Variants in CSMD1 observed in about 807,000 individuals in gnomAD.
CSMD1 encodes CUB and sushi domain-containing protein 1.
CSMD1 carries 213 observed loss-of-function variants against 417.5 expected under a neutral mutation model. That is an observed-to-expected ratio of 0.51 (90% CI 0.46 to 0.57). The LOEUF is 0.57. CSMD1 is among the 20% of genes least tolerant of loss of function. The probability of loss-of-function intolerance (pLI) is 0.00; values close to 1 mark genes in which losing one functional copy is unlikely to be tolerated. For missense variants in CSMD1, 6,923 were observed against 4,529.7 expected (o/e 1.53, Z -15.17); for synonymous variants, 2,862 against 1,736.8 (o/e 1.65, Z -16.11).
At chr8:3,369,481 T>G (rs976037030) in intron 18 of CSMD1, 111 bp from the exon 19 acceptor site, 3 of 619,554 alleles carry the variant, frequency 4.8e-6, no homozygotes, top group Non-Finnish European at 5.8e-6. Context: ...AAATTTAATG[T>G]CATATCCAAG....
At position 3,609,721 on chromosome 8, in the gene CSMD1, T is replaced by C. The variant is rs976085256; in HGVS notation, c.1097+6989A>G. ...GTTTGGATTACATGTTAGTCATTAG[T>C]TTTGATTATAAGAATTTAAAAAAAA... On this transcript the variant is annotated intron_variant, in intron 8 of 69. Transcript: ENST00000635120. Among the ~76,000 whole-genome samples, 7 of 117,812 alleles carry C rather than the reference T, an allele frequency of 5.9e-5. No homozygotes were observed. In the Admixed American group the frequency reaches 6.2e-4, roughly 10 times the overall value. 77.3% of individuals were successfully genotyped at this position (117,812 alleles called of 152,430 possible).
At chr8:3,435,565 G>T (rs757996066) in intron 12 of CSMD1, among the ~76,000 whole-genome samples, 3 of 152,030 alleles carry the variant, frequency 2.0e-5, no homozygotes, top group East Asian at 1.9e-4. Context: ...CTTCGAATCA[G>T]CACATCTCGT....
intron 11 of CSMD1, among the ~76,000 whole-genome samples, chr8:3,479,161 G>C (rs1445146947): frequency 6.6e-6 from 1 of 152,104 alleles, no homozygotes; most frequent in Non-Finnish European, 1.5e-5. Context: ...ATTATCATTG[G>C]AACCTCCTCC....
At position 3,238,489 on chromosome 8, in the gene CSMD1, G is replaced by A. The variant is rs545894735; in HGVS notation, c.4154-8258C>T. On this transcript the variant is annotated intron_variant, in intron 26 of 69. Transcript: ENST00000635120. ...CGGCAAAAATTTTTGGGGGTGGTAT[G>A]GAGACATAATGGGCGATGTTTCTCA... is the stretch of plus-strand genomic sequence containing the variant. Among the ~76,000 whole-genome samples the A allele has an allele frequency of 2.6e-5, 4 of 152,198 alleles. No individual in the cohort carries two copies. In the East Asian group the frequency reaches 5.8e-4, roughly 22 times the overall value.
chr8:2,998,024 C>T lies in CSMD1; in HGVS notation c.8364G>A (p.Leu2788=), dbSNP rs1585117655. ...TGCTGTTCCTACCTCGACACGTGGG[C>T]AGAGGGCTACTCCACTGGCCGTTGC... ...CRSNGQWSSP[L]PTCRVVNCSD... Residue 2788 remains leucine (L), a synonymous_variant, in exon 54 of 70, where the codon CTG becomes CTA. Transcript: ENST00000635120. 1 of 1,613,652 alleles carries T rather than the reference C, an allele frequency of 6.2e-7. No homozygotes were observed. Among genetic ancestry groups the T allele is most frequent in the East Asian group, 2.2e-5 (1 of 44,852 alleles).
chr8:3,914,113 C>T (rs771004774), intron 5 of CSMD1, among the ~76,000 whole-genome samples: 5 of 152,050 alleles, frequency 3.3e-5, no homozygotes, highest in South Asian at 2.1e-4. Flanking sequence ...TTGTCTTCAG[C>T]GTTAGAATTT....
At chr8:3,696,713 T>G (rs1483797941) in intron 7 of CSMD1, among the ~76,000 whole-genome samples, 1 of 152,170 alleles carries the variant, frequency 6.6e-6, no homozygotes. Context: ...AATTGTCCAT[T>G]TTAATCGTTA....
intron 5 of CSMD1, among the ~76,000 whole-genome samples, chr8:3,964,074 G>A (rs1309924642): frequency 6.6e-6 from 1 of 152,168 alleles, no homozygotes; most frequent in Non-Finnish European, 1.5e-5. Context: ...GTGCTTGCTT[G>A]AATAACTTTT....
chr8:3,598,166 T>A (rs974749467), intron 8 of CSMD1: 5 of 152,188 alleles, frequency 3.3e-5, no homozygotes, highest in African/African-American at 1.2e-4. Flanking sequence ...CAAGCCAATC[T>A]GAGAAAAGGG....
intron 4 of CSMD1, among the ~76,000 whole-genome samples, chr8:4,023,627 C>T (rs1428881465): frequency 2.7e-5 from 4 of 150,794 alleles, no homozygotes; most frequent in Non-Finnish European, 5.9e-5. Context: ...CGCTCTGTCG[C>T]CCAGGCTAGA....
At position 3,237,793 on chromosome 8, in the gene CSMD1, AG is replaced by A. The variant is rs1443555853; in HGVS notation, c.4154-7563del. Among the ~76,000 whole-genome samples the A allele has an allele frequency of 5.2e-4, 58 of 110,590 alleles. 1 individual carries two copies. The highest frequency in any genetic ancestry group is 8.3e-4 in the South Asian group (3 of 3,600). The allele number at this position is 110,590 out of a possible 152,430, so 72.6% of individuals were successfully genotyped here. A position where few individuals can be genotyped will look rare whatever the true frequency, so the allele number is the denominator to read the frequency against. ...TTTTTATAATTATACTTATACTACA[AG>A]TATAATTTTTATAATTATACTTATA... On this transcript the variant is annotated intron_variant, in intron 26 of 69. Coordinates refer to ENST00000635120, the MANE Select transcript of CSMD1 (RefSeq NM_033225.6).
At chr8:4,243,969 C>T (rs1324752759) in intron 3 of CSMD1, among the ~76,000 whole-genome samples, 1 of 152,152 alleles carries the variant, frequency 6.6e-6, no homozygotes, top group Non-Finnish European at 1.5e-5. Context: ...CAGGTGGGAA[C>T]GGGTTACAGT....
At chr8:3,174,042 T>C (rs1820750538) in intron 37 of CSMD1, among the ~76,000 whole-genome samples, 1 of 152,214 alleles carries the variant, frequency 6.6e-6, no homozygotes, top group Non-Finnish European at 1.5e-5. Context: ...ATGGAGCTCA[T>C]ACATCAGTGA....
chr8:3,742,879 A>G (rs1467513201), intron 6 of CSMD1, among the ~76,000 whole-genome samples: 1 of 152,242 alleles, frequency 6.6e-6, no homozygotes, highest in Non-Finnish European at 1.5e-5. Flanking sequence ...ATGTGTTATG[A>G]CTGCAATGGA....
chr8:4,885,550 T>G (rs1803682814), intron 1 of CSMD1, among the ~76,000 whole-genome samples: 1 of 152,050 alleles, frequency 6.6e-6, no homozygotes, highest in African/African-American at 2.4e-5. Context: ...GGTGTTGGAT[T>G]TTGTCAAATG....
At chr8:4,470,313 T>C (rs1800451675) in intron 2 of CSMD1, among the ~76,000 whole-genome samples, 1 of 152,224 alleles carries the variant, frequency 6.6e-6, no homozygotes, top group South Asian at 2.1e-4. Context: ...TATTTCATGC[T>C]AGTTTCTACA....
At chr8:3,911,453 GC>G (rs1808461543) in intron 5 of CSMD1, among the ~76,000 whole-genome samples, 1 of 151,562 alleles carries the variant, frequency 6.6e-6, no homozygotes, top group Admixed American at 6.6e-5. Flanking sequence ...GCGTGAACCC[GC>G]GAGGCGGAGC....
At chr8:4,410,463 T>G (rs1471641613) in intron 3 of CSMD1, among the ~76,000 whole-genome samples, 2 of 152,178 alleles carry the variant, frequency 1.3e-5, no homozygotes, top group Non-Finnish European at 2.9e-5. Flanking sequence ...AGCCAATATT[T>G]GATGGTGTTT....
At position 3,391,414 on chromosome 8, in the gene CSMD1, AT is replaced by A. The variant is rs578185812; in HGVS notation, c.2594-3733del. On this transcript the variant is annotated intron_variant, in intron 17 of 69. Transcript: ENST00000635120. ...CCTTGAGAATTCCATTTATTTTCCA[AT>A]TTCTTACAAAATTATGACAATTTTA... Among the ~76,000 whole-genome samples the A allele has an allele frequency of 1.4e-3, 213 of 152,328 alleles. 1 individual carries two copies. Among genetic ancestry groups the A allele is most frequent in the Middle Eastern group, 6.8e-3 (2 of 294 alleles).
Sources: gnomAD v4.1 joint callset for allele counts (sites outside exome capture counted in the v4.1 genomes callset) on GRCh38, gnomAD v4.1.1 for gene constraint, MANE v1.5 for transcripts, NCBI Gene and HGNC (gene_info 2026-07-23, HGNC 2026-07-21) for gene names.